The following SSBP3 variants were observed in gnomAD, a reference collection of about 807,000 sequenced individuals.
SSBP3 encodes single-stranded DNA-binding protein 3.
SSBP3 carries 5 observed loss-of-function variants against 69.6 expected under a neutral mutation model. That is an observed-to-expected ratio of 0.07 (90% confidence interval 0.04 to 0.15). The LOEUF (loss-of-function observed/expected upper bound fraction) is 0.15, where lower values mean the gene tolerates loss of function less well. SSBP3 is among the 10% of genes least tolerant of loss of function. The pLI is 1.00. For synonymous variants in SSBP3, 196 were observed against 193.4 expected (o/e 1.01, Z -0.11); for missense variants, 312 against 534.0 (o/e 0.58, Z 4.10).
At chr1:54,374,525 T>A (rs1304374726) in intron 4 of SSBP3, among the ~76,000 whole-genome samples, 1 of 152,188 alleles carries the variant, frequency 6.6e-6, no homozygotes, top group Non-Finnish European at 1.5e-5. Context: ...TTCTCCAGGA[T>A]GAAATTTGTT....
chr1:54,258,280 T>G lies in SSBP3; in HGVS notation c.367-131A>C. The stretch of plus-strand genomic sequence containing the variant: ...GGCGTGCGGGGGGGTGGGCTCTGGT[T>G]GGTGGGAGGTGGTGGAGCTGCTGCT... On this transcript the variant is annotated intron_variant, in intron 5 of 17. Coordinates refer to ENST00000610401, the Ensembl canonical transcript of SSBP3. The surrounding 1 kb of genome is among the most constrained non-coding windows in gnomAD (Gnocchi z 4.5). 1.1e-5 allele frequency: 7 copies of G among 608,812 alleles called. No individual in the cohort carries two copies. Among genetic ancestry groups the G allele is most frequent in the East Asian group, 3.5e-5 (1 of 28,704 alleles). The allele number at this position is 608,812 out of a possible 1,614,324, so 37.7% of individuals were successfully genotyped here.
At chr1:54,326,801 C>T (rs1646313191) in intron 4 of SSBP3, among the ~76,000 whole-genome samples, 2 of 152,134 alleles carry the variant, frequency 1.3e-5, no homozygotes, top group African/African-American at 4.8e-5. Flanking sequence ...GGGTCTGATA[C>T]CATTTGTTTC....
intron 4 of SSBP3, among the ~76,000 whole-genome samples, chr1:54,332,799 C>G (rs970595557): frequency 1.3e-5 from 2 of 152,216 alleles, no homozygotes; most frequent in Non-Finnish European, 2.9e-5. Flanking sequence ...AACAAGGGCC[C>G]TGAGAGGGCG....
intron 4 of SSBP3, among the ~76,000 whole-genome samples, chr1:54,340,424 G>T (rs192265262): frequency 6.6e-6 from 1 of 152,320 alleles, no homozygotes; most frequent in East Asian, 1.9e-4. Context: ...GATGTGAGCA[G>T]CTTCAAGCCC....
rs747608095 is a variant in SSBP3, at chr1:54,258,154, G to A, written c.367-5C>T. 1 of 1,584,188 alleles carries A rather than the reference G, an allele frequency of 6.3e-7. No individual in the cohort carries two copies. Among genetic ancestry groups the A allele is most frequent in the Non-Finnish European group, 8.6e-7 (1 of 1,165,984 alleles). On this transcript the variant is annotated splice_region_variant and splice_polypyrimidine_tract_variant and intron_variant, in intron 5 of 17. Coordinates refer to ENST00000610401, the Ensembl canonical transcript of SSBP3. This position sits in a 1 kb window ranked among gnomAD's most constrained non-coding sequence, Gnocchi z 4.5. ...GGGCTGTGACCCCGGAGGACCCTGT[G>A]AGGCCAGACAGTAGAGGCAGGTTAT...
intron 3 of SSBP3, among the ~76,000 whole-genome samples, chr1:54,403,731 C>T (rs1436268108): frequency 6.6e-6 from 1 of 152,176 alleles, no homozygotes; most frequent in African/African-American, 2.4e-5. Context: ...TATCAAAAGC[C>T]ACTCTGCTTT....
intron 5 of SSBP3, among the ~76,000 whole-genome samples, chr1:54,276,707 A>C (rs971180178): frequency 6.6e-6 from 1 of 151,784 alleles, no homozygotes; most frequent in Non-Finnish European, 1.5e-5. Flanking sequence ...GAACAACTGC[A>C]GAGTAACTGT....
chr1:54,308,802 A>T (rs1645947367), intron 4 of SSBP3, among the ~76,000 whole-genome samples: 1 of 152,034 alleles, frequency 6.6e-6, no homozygotes, highest in Non-Finnish European at 1.5e-5. Context: ...GAATAGGATA[A>T]GCCATTGATC....
intron 9 of SSBP3, 99 bp from the exon 10 acceptor site, chr1:54,243,398 C>G: frequency 1.4e-6 from 2 of 1,417,042 alleles, no homozygotes; most frequent in Non-Finnish European, 2.0e-6. Flanking sequence ...GAGGGTTAGT[C>G]TGTGAAAAGG....
intron 4 of SSBP3, among the ~76,000 whole-genome samples, chr1:54,334,836 C>G (rs1646481742): frequency 6.6e-6 from 1 of 152,210 alleles, no homozygotes; most frequent in Non-Finnish European, 1.5e-5. Context: ...GGGCCACTTT[C>G]TCACTTGCCG....
chr1:54,412,449 A>G (rs868035075), intron 1 of SSBP3, among the ~76,000 whole-genome samples: 1 of 152,262 alleles, frequency 6.6e-6, no homozygotes, highest in African/African-American at 2.4e-5. Context: ...ACCCAAAAGG[A>G]CAAATACTCT....
chr1:54,284,069 A>C (rs1448301032), intron 4 of SSBP3, among the ~76,000 whole-genome samples: 1 of 151,308 alleles, frequency 6.6e-6, no homozygotes, highest in African/African-American at 2.4e-5. Context: ...TACATTTAAC[A>C]ATTTCATTCT....
intron 4 of SSBP3, among the ~76,000 whole-genome samples, chr1:54,291,082 C>T (rs1645597838): frequency 6.6e-6 from 1 of 152,216 alleles, no homozygotes; most frequent in African/African-American, 2.4e-5. Flanking sequence ...CGCGCACACG[C>T]TCAGTTCCAA....
intron 4 of SSBP3, among the ~76,000 whole-genome samples, chr1:54,367,256 G>A (rs12088281): frequency 0.023 from 3,521 of 152,100 alleles, 155 homozygotes; most frequent in African/African-American, 0.081. Context: ...ATAAACCCCC[G>A]CCCTGATACT....
At chr1:54,335,638 A>T (rs1646495150) in intron 4 of SSBP3, among the ~76,000 whole-genome samples, 1 of 152,154 alleles carries the variant, frequency 6.6e-6, no homozygotes, top group African/African-American at 2.4e-5. Flanking sequence ...GCCCAAACAC[A>T]TCGATTCAAG....
At chr1:54,257,376 A>C in intron 6 of SSBP3, 190 bp from the exon 7 acceptor site, 2 of 535,152 alleles carry the variant, frequency 3.7e-6, no homozygotes, top group Non-Finnish European at 6.5e-6. Context: ...CACACAACAA[A>C]TGTGTCTCTT....
At chr1:54,276,889 C>T (rs777580636) in intron 5 of SSBP3, among the ~76,000 whole-genome samples, 45 of 152,158 alleles carry the variant, frequency 3.0e-4, no homozygotes, top group Non-Finnish European at 5.7e-4. Flanking sequence ...TAGACACCAT[C>T]TCAGCCAGGG....
At chr1:54,261,096 C>G (rs1048629128) in intron 5 of SSBP3, among the ~76,000 whole-genome samples, 40 of 152,256 alleles carry the variant, frequency 2.6e-4, no homozygotes, top group African/African-American at 8.9e-4. Flanking sequence ...CAGCCCGGAG[C>G]TCCGTCACTA....
chr1:54,327,211 GAGGGAA>G (rs1646321017), intron 4 of SSBP3, among the ~76,000 whole-genome samples: 1 of 116,274 alleles, frequency 8.6e-6, no homozygotes, highest in Non-Finnish European at 1.8e-5. Flanking sequence ...ACAGGAAAGA[GAGGGAA>G]AAGGAAGGAA....
Sources: allele counts gnomAD v4.1 joint callset (sites outside exome capture counted in the v4.1 genomes callset), GRCh38; gene constraint gnomAD v4.1.1; non-coding constraint Gnocchi (gnomAD v3.1); transcripts MANE v1.5; gene names NCBI Gene and HGNC (gene_info 2026-07-23, HGNC 2026-07-21).